The following CELF1 variants were observed in gnomAD, a reference collection of about 807,000 sequenced individuals.
CELF1 encodes CUGBP Elav-like family member 1.
Under a neutral mutation model 61.8 loss-of-function variants are expected in CELF1, and 10 were observed. The observed-to-expected ratio is 0.16, with a 90% CI of 0.10 to 0.27. The LOEUF is 0.27. Among genes scored for constraint, CELF1 ranks in the 10% least tolerant of loss-of-function variants. The pLI is 1.00. For missense variants in CELF1, 380 were observed against 639.1 expected (o/e 0.59, Z 4.37); for synonymous variants, 236 against 225.1 (o/e 1.05, Z -0.43).
intron 2 of CELF1, 41 bp from the exon 3 acceptor site, chr11:47,499,645 G>A (rs1388350845): frequency 1.4e-6 from 1 of 730,558 alleles, no homozygotes. Flanking sequence ...CAGGAGCTCA[G>A]GGAAACCAGC....
intron 12 of CELF1, among the ~76,000 whole-genome samples, chr11:47,476,587 A>G (rs2080264247): frequency 6.6e-6 from 1 of 152,056 alleles, no homozygotes; most frequent in Non-Finnish European, 1.5e-5. Context: ...CACCAGGCCC[A>G]GCTAATTTTT....
intron 1 of CELF1, among the ~76,000 whole-genome samples, chr11:47,543,725 T>A (rs888499217): frequency 1.3e-5 from 2 of 151,894 alleles, no homozygotes; most frequent in South Asian, 4.2e-4. Flanking sequence ...TTGGGCTACA[T>A]AGCGGACCCG....
Position 47,468,100 on chromosome 11 carries a change from AAAATC to A in CELF1, c.*4125_*4129del, listed in dbSNP as rs2076972747. 6.6e-6 allele frequency: 1 copy of A among 152,240 alleles called. No homozygotes were observed. Among genetic ancestry groups the A allele is most frequent in the Non-Finnish European group, 1.5e-5 (1 of 68,072 alleles). The allele number at this position is 152,240 out of a possible 1,614,324, so 9.4% of individuals were successfully genotyped here. A position where few individuals can be genotyped will look rare whatever the true frequency, so the allele number is the denominator to read the frequency against. ...ATACAAAAACAAAAACAACAACAAA[AAAATC>A]AAAGCATCACATTTTGCTGTGGAGA... On this transcript the variant is annotated 3_prime_UTR_variant, in exon 15 of 15. Transcript: ENST00000687097.
At chr11:47,537,282 C>G (rs2096653750) in intron 1 of CELF1, among the ~76,000 whole-genome samples, 1 of 144,000 alleles carries the variant, frequency 6.9e-6, no homozygotes. Flanking sequence ...GAGTCTCACT[C>G]TGTCGCCCAG....
At chr11:47,499,421 T>G in intron 3 of CELF1, 32 bp downstream of exon 3, 1 of 1,501,722 alleles carries the variant, frequency 6.7e-7, no homozygotes, top group Non-Finnish European at 9.0e-7. Flanking sequence ...TTCCTCTGCT[T>G]ATGATAAAAA....
chr11:47,507,462 A>C (rs113473993), intron 1 of CELF1, among the ~76,000 whole-genome samples: 2,419 of 145,768 alleles, frequency 0.017, 51 homozygotes, highest in African/African-American at 0.052. Context: ...CCACTGAAAC[A>C]AAAAAAAAAA....
intron 2 of CELF1, among the ~76,000 whole-genome samples, chr11:47,558,589 T>TATATATAAATATATATATATTTA (rs1555194427): frequency 9.0e-6 from 1 of 110,736 alleles, no homozygotes; most frequent in Non-Finnish European, 1.7e-5. Flanking sequence ...ATATATATAT[T>TATATATAAATATATATATATTTA]TATATTATAT....
upstream of CELF1, among the ~76,000 whole-genome samples, chr11:47,556,246 G>A (rs1160325443): frequency 1.3e-5 from 2 of 152,116 alleles, no homozygotes; most frequent in Non-Finnish European, 2.9e-5. Flanking sequence ...GTGTAGTAGT[G>A]CTATCATAGT....
At chr11:47,518,430 T>C (rs562583675) in intron 1 of CELF1, among the ~76,000 whole-genome samples, 1 of 152,356 alleles carries the variant, frequency 6.6e-6, no homozygotes, top group Non-Finnish European at 1.5e-5. Context: ...GGTGAGATAA[T>C]ATGTCAAAAC....
chr11:47,506,423 C>T (rs557029386), intron 1 of CELF1, among the ~76,000 whole-genome samples: 8 of 150,012 alleles, frequency 5.3e-5, no homozygotes, highest in South Asian at 2.1e-4. Context: ...AGCGAGACTC[C>T]GGCTCAAAAA....
intron 2 of CELF1, chr11:47,564,201 CG>C (rs1427150488): frequency 6.8e-6 from 1 of 147,580 alleles, no homozygotes; most frequent in African/African-American, 2.5e-5. Context: ...AAAAGAAAGC[CG>C]GGCGCGGTGG....
intron 1 of CELF1, among the ~76,000 whole-genome samples, chr11:47,550,558 A>T (rs951493123): frequency 2.6e-5 from 4 of 152,128 alleles, no homozygotes; most frequent in African/African-American, 9.7e-5. Context: ...TGTGACTAAG[A>T]TAAGCCTATT....
At chr11:47,544,931 C>A (rs2096895042) in intron 1 of CELF1, among the ~76,000 whole-genome samples, 1 of 152,004 alleles carries the variant, frequency 6.6e-6, no homozygotes. Flanking sequence ...CACTGCACTC[C>A]AGCCTGGGTA....
intron 8 of CELF1, 90 bp from the exon 9 acceptor site, chr11:47,482,946 C>A: frequency 1.7e-6 from 2 of 1,153,846 alleles, no homozygotes; most frequent in Admixed American, 2.4e-5. Context: ...AGGTTACATT[C>A]TAATTTCATT....
intron 1 of CELF1, among the ~76,000 whole-genome samples, chr11:47,503,459 T>C (rs1325731540): frequency 6.6e-6 from 1 of 152,202 alleles, no homozygotes; most frequent in African/African-American, 2.4e-5. Context: ...TAAAGTCTAG[T>C]TATATAAGCA....
intron 9 of CELF1, among the ~76,000 whole-genome samples, chr11:47,481,513 G>C (rs2083229693): frequency 6.6e-6 from 1 of 152,190 alleles, no homozygotes. Context: ...ACAGAAATCA[G>C]TGCCTTTTGT....
intron 1 of CELF1, among the ~76,000 whole-genome samples, chr11:47,548,182 C>G (rs897482410): frequency 6.6e-6 from 1 of 151,842 alleles, no homozygotes; most frequent in Non-Finnish European, 1.5e-5. Flanking sequence ...ACCTGTAATC[C>G]CAGCTACTCG....
intron 1 of CELF1, among the ~76,000 whole-genome samples, chr11:47,517,655 A>AT (rs1328360672): frequency 4.0e-5 from 6 of 150,724 alleles, no homozygotes; most frequent in African/African-American, 1.5e-4. Context: ...ATTCTACAGA[A>AT]ATTTTTTTTT....
chr11:47,484,329 A>C, intron 7 of CELF1, 60 bp downstream of exon 7: 1 of 1,566,306 alleles, frequency 6.4e-7, no homozygotes, highest in Non-Finnish European at 8.6e-7. Context: ...AAAAAAAAAA[A>C]ACCCCAAACC....
Sources: allele counts gnomAD v4.1 joint callset (sites outside exome capture counted in the v4.1 genomes callset), GRCh38; gene constraint gnomAD v4.1.1; transcripts MANE v1.5; gene names NCBI Gene and HGNC (gene_info 2026-07-23, HGNC 2026-07-21).